The following RGS7BP variants were observed in gnomAD, a reference collection of about 807,000 sequenced individuals.
RGS7BP encodes regulator of G protein signaling 7-binding protein.
In RGS7BP, 9 loss-of-function variants were observed where a neutral mutation model predicts 31.3. That is an observed-to-expected ratio of 0.29 (90% confidence interval 0.17 to 0.50). The LOEUF (loss-of-function observed/expected upper bound fraction) is 0.50. Among genes scored for constraint, RGS7BP ranks in the 20% least tolerant of loss-of-function variants. RGS7BP has a pLI of 0.98. For missense variants in RGS7BP, 274 were observed against 322.0 expected, an observed-to-expected ratio of 0.85 and a Z score of 1.14; for synonymous variants, 115 against 120.1, an observed-to-expected ratio of 0.96 and a Z score of 0.28.
intron 2 of RGS7BP, among the ~76,000 whole-genome samples, chr5:64,563,831 C>T (rs1005842111): frequency 2.6e-5 from 4 of 152,136 alleles, no homozygotes; most frequent in East Asian, 1.9e-4. Context: ...ATAAGTCTGT[C>T]GTGTTTCTTT....
At chr5:64,585,623 C>T (rs899769807) in intron 3 of RGS7BP, among the ~76,000 whole-genome samples, 5 of 152,072 alleles carry the variant, frequency 3.3e-5, no homozygotes, top group Non-Finnish European at 5.9e-5. Context: ...TGAGACTGCC[C>T]CACAATCAGA....
At chr5:64,593,547 A>T (rs1742977671) in intron 3 of RGS7BP, among the ~76,000 whole-genome samples, 1 of 152,206 alleles carries the variant, frequency 6.6e-6, no homozygotes, top group Admixed American at 6.5e-5. Context: ...TATCTGCATG[A>T]CAAAAATAAA....
At chr5:64,565,088 T>C (rs1742138370) in intron 2 of RGS7BP, among the ~76,000 whole-genome samples, 1 of 152,098 alleles carries the variant, frequency 6.6e-6, no homozygotes, top group Non-Finnish European at 1.5e-5. Context: ...TGGACAAGCA[T>C]CTGAATGCAT....
At chr5:64,557,120 A>G (rs946895346) in intron 2 of RGS7BP, among the ~76,000 whole-genome samples, 1 of 152,312 alleles carries the variant, frequency 6.6e-6, no homozygotes, top group Non-Finnish European at 1.5e-5. Context: ...AACAACAAAC[A>G]AAACAAAAAC....
intron 2 of RGS7BP, among the ~76,000 whole-genome samples, chr5:64,569,107 T>C (rs1368792234): frequency 6.6e-6 from 1 of 152,174 alleles, no homozygotes; most frequent in Non-Finnish European, 1.5e-5. Flanking sequence ...AGTCAAGTTT[T>C]ATTTCTGACT....
intron 5 of RGS7BP, among the ~76,000 whole-genome samples, chr5:64,598,931 G>A (rs1262660167): frequency 6.6e-6 from 1 of 152,162 alleles, no homozygotes; most frequent in Non-Finnish European, 1.5e-5. Flanking sequence ...CGCACAGAAA[G>A]GTTAGCTAAA....
intron 5 of RGS7BP, among the ~76,000 whole-genome samples, chr5:64,605,102 CT>C (rs370732416): frequency 4.7e-4 from 69 of 146,890 alleles, no homozygotes; most frequent in Admixed American, 4.1e-4. Context: ...TATTCTCCCT[CT>C]TTTTTTTTTT....
At chr5:64,515,230 C>G (rs545091913) in intron 2 of RGS7BP, among the ~76,000 whole-genome samples, 1 of 152,038 alleles carries the variant, frequency 6.6e-6, no homozygotes, top group African/African-American at 2.4e-5. Flanking sequence ...TTGAGAGATT[C>G]GATTAGTTTA....
chr5:64,556,002 G>A (rs116306629), intron 2 of RGS7BP, among the ~76,000 whole-genome samples: 1 of 151,988 alleles, frequency 6.6e-6, no homozygotes, highest in East Asian at 1.9e-4. Flanking sequence ...CTGTCGATTT[G>A]TGCTGCTCTA....
rs1743448987 is a variant in RGS7BP, at chr5:64,609,446, A to G, written c.*194A>G. The G allele has an allele frequency of 1.8e-6, 1 of 553,386 alleles. No homozygotes were observed. Among genetic ancestry groups the G allele is most frequent in the South Asian group, 2.4e-5 (1 of 41,004 alleles). 34.3% of individuals were successfully genotyped at this position (553,386 alleles called of 1,614,324 possible). A position where few individuals can be genotyped will look rare whatever the true frequency, so the allele number is the denominator to read the frequency against. On this transcript the variant is annotated 3_prime_UTR_variant, in exon 6 of 6. Coordinates refer to ENST00000334025, the MANE Select transcript of RGS7BP (RefSeq NM_001029875.3). Reference sequence around the variant, plus strand: ...GCAGCTGCCGTCAAGAAAAAAAAGAACAGATTCAAAAACCAGGCTGTTTTT... The same window carrying G: ...GCAGCTGCCGTCAAGAAAAAAAAGAGCAGATTCAAAAACCAGGCTGTTTTT...
intron 5 of RGS7BP, among the ~76,000 whole-genome samples, chr5:64,607,639 A>T (rs1272722866): frequency 6.6e-6 from 1 of 152,030 alleles, no homozygotes; most frequent in Admixed American, 6.6e-5. Context: ...CAGGTAGCAG[A>T]CTTCAGCAAA....
chr5:64,544,891 T>A (rs1741613990), intron 2 of RGS7BP, among the ~76,000 whole-genome samples: 1 of 151,788 alleles, frequency 6.6e-6, no homozygotes, highest in Non-Finnish European at 1.5e-5. Context: ...AAGAGTTGGC[T>A]TTTGGCCGGG....
chr5:64,544,876 C>T (rs1403086273), intron 2 of RGS7BP, among the ~76,000 whole-genome samples: 4 of 151,864 alleles, frequency 2.6e-5, no homozygotes, highest in East Asian at 1.9e-4. Context: ...TTGTAAGACA[C>T]ATTAAAGAGT....
intron 2 of RGS7BP, among the ~76,000 whole-genome samples, chr5:64,544,157 A>G (rs190937784): frequency 6.6e-6 from 1 of 152,346 alleles, no homozygotes; most frequent in Non-Finnish European, 1.5e-5. Flanking sequence ...CAGGCATTGT[A>G]TTAAGCACCG....
chr5:64,601,700 G>C (rs940810277), intron 5 of RGS7BP, among the ~76,000 whole-genome samples: 2 of 152,144 alleles, frequency 1.3e-5, no homozygotes, highest in African/African-American at 4.8e-5. Flanking sequence ...TAGGACACTG[G>C]CAGTGCTGTA....
intron 3 of RGS7BP, among the ~76,000 whole-genome samples, chr5:64,582,422 T>C (rs142504174): frequency 6.6e-6 from 1 of 152,214 alleles, no homozygotes; most frequent in Admixed American, 6.5e-5. Flanking sequence ...CCCCTTCACA[T>C]GTGAACCTGC....
intron 2 of RGS7BP, among the ~76,000 whole-genome samples, chr5:64,516,381 C>T (rs1008737163): frequency 1.5e-4 from 23 of 152,022 alleles, no homozygotes; most frequent in African/African-American, 5.6e-4. Context: ...TTCTTTTTTC[C>T]CCATTTCTGT....
chr5:64,559,270 AG>A (rs1405531325), intron 2 of RGS7BP, among the ~76,000 whole-genome samples: 6 of 152,118 alleles, frequency 3.9e-5, no homozygotes, highest in Non-Finnish European at 8.8e-5. Context: ...TTTATTTCTC[AG>A]AGCGGCCGAC....
At chr5:64,544,349 A>C (rs1741595534) in intron 2 of RGS7BP, among the ~76,000 whole-genome samples, 2 of 152,164 alleles carry the variant, frequency 1.3e-5, no homozygotes, top group African/African-American at 4.8e-5. Context: ...TTTCCCAAAG[A>C]AAGTGATATA....
Sources: allele counts gnomAD v4.1 joint callset (sites outside exome capture counted in the v4.1 genomes callset), GRCh38; gene constraint gnomAD v4.1.1; transcripts MANE v1.5; gene names NCBI Gene and HGNC (gene_info 2026-07-23, HGNC 2026-07-21).